Variants in SNED1 observed in about 807,000 individuals in gnomAD.
The protein encoded by SNED1 is sushi, nidogen and EGF-like domain-containing protein 1.
SNED1 carries 81 observed loss-of-function variants against 166.7 expected under a neutral mutation model. The observed-to-expected ratio is 0.49, with a 90% confidence interval of 0.41 to 0.58. The LOEUF (loss-of-function observed/expected upper bound fraction) is 0.58, where lower values mean the gene tolerates loss of function less well. Ranked by LOEUF, SNED1 falls within the 20% of genes least tolerant of loss-of-function variation. The probability of loss-of-function intolerance (pLI) is 0.00; values close to 1 mark genes in which losing one functional copy is unlikely to be tolerated. For missense variants in SNED1, 1,604 were observed against 2,000.2 expected, an observed-to-expected ratio of 0.80 and a Z score of 3.78; for synonymous variants, 762 against 822.0, an observed-to-expected ratio of 0.93 and a Z score of 1.25.
At chr2:241,006,463 G>A (rs529433959) in intron 1 of SNED1, among the ~76,000 whole-genome samples, 420 of 152,328 alleles carry the variant, frequency 2.8e-3, no homozygotes, top group Non-Finnish European at 4.5e-3. Context: ...CAGTGGTATG[G>A]GTTGGAAATG....
At position 241,053,198 on chromosome 2, in the gene SNED1, G is replaced by A. The variant is rs369011632; in HGVS notation, c.2129G>A (p.Arg710His). ...GAGGAGGTGAAGCACGCCACACTGC[G>A]CTTCAACGGCACGCGGCTGGGCGCG... is the stretch of plus-strand genomic sequence containing the variant. ...PPEEVKHATL[R>H]FNGTRLGAVA... Residue 710 changes from arginine to histidine, a missense_variant, in exon 16 of 32, where the codon CGC (arginine) becomes CAC (histidine). Physicochemically the swap from Arg to His is conservative, Grantham distance 29. This residue lies in a region of SNED1 where 1,237 missense variants were observed against 1,620.8 expected (regional missense o/e 0.76). Coordinates refer to ENST00000310397, the MANE Select transcript of SNED1 (RefSeq NM_001080437.3). 26 of 1,610,790 alleles carry A rather than the reference G, an allele frequency of 1.6e-5. No homozygotes were observed. The highest frequency in any genetic ancestry group is 1.7e-4 in the Middle Eastern group (1 of 6,036).
chr2:241,089,467 C>A (rs1452237007), intron 31 of SNED1: 7 of 1,528,462 alleles, frequency 4.6e-6, no homozygotes, highest in Non-Finnish European at 4.4e-6. Flanking sequence ...GGAAGAGTGT[C>A]CACACCCCCT....
At chr2:241,062,177 C>T (rs2062254700) in intron 16 of SNED1, among the ~76,000 whole-genome samples, 1 of 152,028 alleles carries the variant, frequency 6.6e-6, no homozygotes, top group Admixed American at 6.6e-5. Context: ...TTTTTAAAGA[C>T]AAGGAAATTA....
intron 6 of SNED1, 101 bp downstream of exon 6, chr2:241,037,454 C>T: frequency 1.2e-6 from 1 of 816,390 alleles, no homozygotes; most frequent in East Asian, 2.7e-5. Flanking sequence ...AGCAGCTGTG[C>T]ATGCTGCAAG....
At position 241,018,204 on chromosome 2, in the gene SNED1, T is replaced by C. The variant is rs560519347; in HGVS notation, c.214-12080T>C. On this transcript the variant is annotated intron_variant, in intron 1 of 31. Transcript: ENST00000310397. The surrounding 1 kb of genome is among the most constrained non-coding windows in gnomAD (Gnocchi z 5.4). Reference sequence around the variant, plus strand: ...TGCCATGTCACCGCGCATTTGCAGCTTTGGTCACCATACACGACGTAACCC... The same window carrying C: ...TGCCATGTCACCGCGCATTTGCAGCCTTGGTCACCATACACGACGTAACCC... Among the ~76,000 whole-genome samples the C allele has an allele frequency of 1.3e-5, 2 of 152,318 alleles. No individual in the cohort carries two copies. Among genetic ancestry groups the C allele is most frequent in the Admixed American group, 1.3e-4 (2 of 15,310 alleles).
Position 241,073,524 on chromosome 2 carries a change from G to A in SNED1, c.3916+160G>A, listed in dbSNP as rs1056445297. ...CAGGCACCCCGGTGTGGGAAGATGGGGTGAAGCTACACCACCCAAGCAGTG... is the reference window on the plus strand; with the variant it reads ...CAGGCACCCCGGTGTGGGAAGATGGAGTGAAGCTACACCACCCAAGCAGTG... On this transcript the variant is annotated intron_variant, in intron 27 of 31. Coordinates refer to ENST00000310397, the MANE Select transcript of SNED1 (RefSeq NM_001080437.3). The surrounding 1 kb of genome is among the most constrained non-coding windows in gnomAD (Gnocchi z 6.6). 2.9e-6 allele frequency: 2 copies of A among 680,952 alleles called. No individual in the cohort carries two copies. Among genetic ancestry groups the A allele is most frequent in the Admixed American group, 2.2e-5 (1 of 45,590 alleles). 42.2% of individuals were successfully genotyped at this position (680,952 alleles called of 1,614,324 possible). A position where few individuals can be genotyped will look rare whatever the true frequency, so the allele number is the denominator to read the frequency against.
intron 27 of SNED1, among the ~76,000 whole-genome samples, chr2:241,076,407 A>G (rs568629330): frequency 6.6e-6 from 1 of 152,174 alleles, no homozygotes; most frequent in Non-Finnish European, 1.5e-5. Context: ...ATATACTTTA[A>G]AAGTTACTTT....
At position 241,094,226 on chromosome 2, in the gene SNED1, C is replaced by A; in HGVS notation, c.*2590C>A. On this transcript the variant is annotated 3_prime_UTR_variant, in exon 32 of 32. Coordinates refer to ENST00000310397, the MANE Select transcript of SNED1 (RefSeq NM_001080437.3). The surrounding 1 kb of genome is among the most constrained non-coding windows in gnomAD (Gnocchi z 4.3). ...AGGGAATCTTTGCTGTGCCCACTGT[C>A]CTCCAGTAGAGAACCCAACAGGCAA... 2.2e-6 allele frequency: 1 copy of A among 451,620 alleles called. No homozygotes were observed. Among genetic ancestry groups the A allele is most frequent in the South Asian group, 1.6e-5 (1 of 62,196 alleles). The allele number at this position is 451,620 out of a possible 1,614,324, so 28.0% of individuals were successfully genotyped here.
At chr2:241,070,251 T>A in intron 24 of SNED1, 50 bp downstream of exon 24, 1 of 1,536,574 alleles carries the variant, frequency 6.5e-7, no homozygotes, top group Admixed American at 1.9e-5. Context: ...TTGCCAGCCC[T>A]CCACCCTGTT....
chr2:241,037,002 C>T, intron 5 of SNED1, 87 bp downstream of exon 5: 1 of 1,463,756 alleles, frequency 6.8e-7, no homozygotes, highest in Non-Finnish European at 9.2e-7. Flanking sequence ...GCCCTGGGCG[C>T]CCAGGGTCCC....
At chr2:241,042,627 C>T (rs986662565) in intron 8 of SNED1, among the ~76,000 whole-genome samples, 2 of 151,816 alleles carry the variant, frequency 1.3e-5, no homozygotes, top group African/African-American at 2.4e-5. Flanking sequence ...TGAATATGCT[C>T]CTATAATCAA....
chr2:241,056,580 A>T lies in SNED1; in HGVS notation c.2257+3254A>T, dbSNP rs865866392. Among the ~76,000 whole-genome samples, 361 of 111,230 alleles carry T rather than the reference A, an allele frequency of 3.2e-3. 4 individuals are homozygous for T. Among genetic ancestry groups the T allele is most frequent in the African/African-American group, 0.012 (318 of 25,638 alleles). 73.0% of individuals were successfully genotyped at this position (111,230 alleles called of 152,430 possible). ...GAATTAGGAATTCTGAATAAGTGAA[A>T]TTTTTTTTTTTTTTTTTTGAGACGG... On this transcript the variant is annotated intron_variant, in intron 16 of 31. Transcript: ENST00000310397.
At chr2:241,055,922 C>A (rs1292093071) in intron 16 of SNED1, among the ~76,000 whole-genome samples, 1 of 152,204 alleles carries the variant, frequency 6.6e-6, no homozygotes. Flanking sequence ...CAGCTCAACT[C>A]CTAATGATAT....
chr2:241,088,391 A>G lies in SNED1; in HGVS notation c.4232A>G (p.Glu1411Gly), dbSNP rs1034840122. The change falls in exon 31 of 32, where the codon GAG becomes GGG. Residue 1411 changes from glutamate to glycine, a missense_variant. Glu to Gly is a moderately conservative substitution (Grantham distance 98, BLOSUM62 -2). Coordinates refer to ENST00000310397, the MANE Select transcript of SNED1 (RefSeq NM_001080437.3). ...AAACAAAGTAAGAGTCAGACACTGG[A>G]GAAATCTTAAGGTACGTCCCTGCTG... ...NRKQSKSQTL[E>G]KS is the part of the protein sequence containing the mutation. The G allele has an allele frequency of 1.9e-6, 3 of 1,612,292 alleles. No individual in the cohort carries two copies. In the Admixed American group the frequency reaches 5.0e-5, roughly 27 times the overall value.
intron 27 of SNED1, among the ~76,000 whole-genome samples, chr2:241,081,350 G>A (rs2063318783): frequency 6.6e-6 from 1 of 152,188 alleles, no homozygotes; most frequent in South Asian, 2.1e-4. Flanking sequence ...CCACAGGCCA[G>A]TGGGGGCTCA....
In SNED1 at chr2:241,091,648, G is replaced by T. The variant is rs1158304608; in HGVS notation, c.*12G>T. ...GTTTTTTCTTCAAAGGATTTAAGAC[G>T]TTCTTGTTACACTCCACCAACCTCA... On this transcript the variant is annotated 3_prime_UTR_variant, in exon 32 of 32. Transcript: ENST00000310397. The surrounding 1 kb of genome is among the most constrained non-coding windows in gnomAD (Gnocchi z 4.1). 6.6e-6 allele frequency: 1 copy of T among 152,210 alleles called. No individual in the cohort carries two copies. The highest frequency in any genetic ancestry group is 2.1e-4 in the South Asian group (1 of 4,826). 9.4% of individuals were successfully genotyped at this position (152,210 alleles called of 1,614,324 possible).
chr2:241,048,250 G>A, intron 8 of SNED1, 65 bp from the exon 9 acceptor site: 3 of 1,499,340 alleles, frequency 2.0e-6, no homozygotes, highest in Non-Finnish European at 1.8e-6. Context: ...CATTGGAGCT[G>A]GGCGGGGAGA....
intron 31 of SNED1, chr2:241,090,195 G>A (rs1442709685): frequency 6.8e-7 from 1 of 1,469,038 alleles, no homozygotes; most frequent in African/African-American, 1.4e-5. Flanking sequence ...GCTTTTCTCT[G>A]TTTTTAAAAT....
Position 241,065,598 on chromosome 2 carries a change from G to A in SNED1, c.3010+3G>A, listed in dbSNP as rs1257638694. 3 of 1,609,754 alleles carry A rather than the reference G, an allele frequency of 1.9e-6. No homozygotes were observed. Among genetic ancestry groups the A allele is most frequent in the East Asian group, 2.2e-5 (1 of 44,774 alleles). On this transcript the variant is annotated splice_donor_region_variant and intron_variant, in intron 21 of 31. Coordinates refer to ENST00000310397, the MANE Select transcript of SNED1 (RefSeq NM_001080437.3). ...TGCCGTGCTGCTGGCCCGCACGCGT[G>A]AGTGTCCCCGAGCCTGGCCGTCCCT...
Sources: allele counts gnomAD v4.1 joint callset (sites outside exome capture counted in the v4.1 genomes callset), GRCh38; gene constraint gnomAD v4.1.1; regional missense constraint gnomAD v4.1.1; non-coding constraint Gnocchi (gnomAD v3.1); transcripts MANE v1.5; gene names NCBI Gene and HGNC (gene_info 2026-07-23, HGNC 2026-07-21).